EML6: variants seen among roughly 807,000 people sequenced by gnomAD.
EML6 encodes the protein EMAP like 6.
EML6 carries 154 observed loss-of-function variants against 240.1 expected under a neutral mutation model. That is an observed-to-expected ratio of 0.64 (90% CI 0.56 to 0.73). The LOEUF (loss-of-function observed/expected upper bound fraction) is 0.73, where lower values mean the gene tolerates loss of function less well. Ranked by LOEUF, EML6 falls within the 30% of genes least tolerant of loss-of-function variation. EML6 has a pLI of 0.00. For missense variants in EML6, 2,964 were observed against 2,474.6 expected, an observed-to-expected ratio of 1.20 and a Z score of -4.20; for synonymous variants, 1,148 against 899.0, an observed-to-expected ratio of 1.28 and a Z score of -4.95.
intron 40 of EML6, among the ~76,000 whole-genome samples, 172 bp from the exon 41 acceptor site, chr2:54,968,496 G>A (rs1205610213): frequency 6.6e-6 from 1 of 152,188 alleles, no homozygotes; most frequent in African/African-American, 2.4e-5. Context: ...GTGGGGCAAG[G>A]ATGAGAGGCA....
chr2:54,790,691 T>C (rs1004062050), intron 2 of EML6, among the ~76,000 whole-genome samples: 4 of 151,978 alleles, frequency 2.6e-5, no homozygotes, highest in Non-Finnish European at 5.9e-5. Flanking sequence ...CAGGACCCTA[T>C]TGTGTATAGA....
intron 17 of EML6, among the ~76,000 whole-genome samples, chr2:54,886,445 C>T (rs1178821298): frequency 4.6e-5 from 7 of 152,270 alleles, no homozygotes; most frequent in Non-Finnish European, 7.3e-5. Context: ...GTTGGGATTA[C>T]AGGTGTGCGC....
At chr2:54,911,608 TA>T (rs1219306459) in intron 25 of EML6, among the ~76,000 whole-genome samples, 1 of 152,048 alleles carries the variant, frequency 6.6e-6, no homozygotes, top group Non-Finnish European at 1.5e-5. Context: ...TTTTTTATTT[TA>T]TTTTTTTAGT....
chr2:54,852,563 T>G (rs1055365304), intron 10 of EML6, among the ~76,000 whole-genome samples: 2 of 152,198 alleles, frequency 1.3e-5, no homozygotes, highest in African/African-American at 4.8e-5. Context: ...CCTGTACTGG[T>G]GGAATTTTCT....
At chr2:54,792,513 C>T (rs1033949567) in intron 2 of EML6, among the ~76,000 whole-genome samples, 14 of 152,166 alleles carry the variant, frequency 9.2e-5, no homozygotes, top group Admixed American at 3.9e-4. Context: ...ATGTTGATAG[C>T]GGCTATATTT....
At chr2:54,747,172 G>A (rs1572851183) in intron 2 of EML6, 1 of 152,202 alleles carries the variant, frequency 6.6e-6, no homozygotes, top group East Asian at 1.9e-4. Flanking sequence ...TAAAGTGTAA[G>A]TAATAATTAA....
chr2:54,757,741 C>T (rs1224280700), intron 2 of EML6, among the ~76,000 whole-genome samples: 2 of 152,112 alleles, frequency 1.3e-5, no homozygotes, highest in African/African-American at 4.8e-5. Flanking sequence ...TCTGCAAGGC[C>T]CTGAGCCTTT....
intron 2 of EML6, among the ~76,000 whole-genome samples, chr2:54,785,166 CACACT>C (rs1274149089): frequency 7.4e-6 from 1 of 134,370 alleles, no homozygotes; most frequent in African/African-American, 2.9e-5. Flanking sequence ...CCCCCACACA[CACACT>C]TTTTTTTTTT....
At chr2:54,818,905 C>T (rs2567840) in intron 4 of EML6, among the ~76,000 whole-genome samples, 125,334 of 152,130 alleles carry the variant, frequency 0.82, 51,803 homozygotes, top group Middle Eastern at 0.9. Flanking sequence ...CAAGATTATC[C>T]TCAAGATTAT....
At chr2:54,812,900 T>A (rs1161959578) in intron 2 of EML6, among the ~76,000 whole-genome samples, 1 of 152,164 alleles carries the variant, frequency 6.6e-6, no homozygotes, top group African/African-American at 2.4e-5. Context: ...ACAAGTAATA[T>A]TTTGAATATC....
chr2:54,851,878 C>G (rs1340057592), intron 10 of EML6, among the ~76,000 whole-genome samples: 1 of 152,188 alleles, frequency 6.6e-6, no homozygotes, highest in Non-Finnish European at 1.5e-5. Context: ...TGGGTTTCAG[C>G]TTGTTGGGCA....
At chr2:54,816,018 T>A (rs1668066001) in intron 3 of EML6, among the ~76,000 whole-genome samples, 1 of 152,246 alleles carries the variant, frequency 6.6e-6, no homozygotes, top group African/African-American at 2.4e-5. Context: ...TTAAGGAGGT[T>A]AATTTTGCAA....
intron 2 of EML6, among the ~76,000 whole-genome samples, chr2:54,729,256 T>G (rs75062111): frequency 1.3e-5 from 2 of 152,228 alleles, no homozygotes; most frequent in African/African-American, 4.8e-5. Flanking sequence ...GTCTCACCTC[T>G]CCCATGAGAC....
At chr2:54,841,652 C>T (rs1308115619) in intron 7 of EML6, among the ~76,000 whole-genome samples, 4 of 144,590 alleles carry the variant, frequency 2.8e-5, no homozygotes, top group African/African-American at 1.0e-4. Flanking sequence ...TACAATGGCA[C>T]AATCTCAGCT....
chr2:54,814,951 A>G (rs184463555), intron 3 of EML6, among the ~76,000 whole-genome samples: 38 of 152,308 alleles, frequency 2.5e-4, no homozygotes, highest in African/African-American at 8.9e-4. Context: ...TCAGGCTTGC[A>G]GTTATATTGA....
At chr2:54,789,249 C>G (rs1179774254) in intron 2 of EML6, among the ~76,000 whole-genome samples, 1 of 152,030 alleles carries the variant, frequency 6.6e-6, no homozygotes, top group Non-Finnish European at 1.5e-5. Context: ...CGCGGTGGCT[C>G]ACGCTTGTAA....
chr2:54,917,129 C>G (rs1437668162), intron 26 of EML6, among the ~76,000 whole-genome samples, 194 bp downstream of exon 26: 1 of 152,134 alleles, frequency 6.6e-6, no homozygotes, highest in African/African-American at 2.4e-5. Context: ...GCATAGAATT[C>G]TACCTTGAAA....
chr2:54,964,223 A>G, intron 37 of EML6, 65 bp downstream of exon 37: 3 of 1,486,230 alleles, frequency 2.0e-6, no homozygotes. Context: ...AGTGGTTCCC[A>G]TTCCAGCCAC....
At chr2:54,941,733 G>C (rs1201421265) in intron 28 of EML6, among the ~76,000 whole-genome samples, 1 of 152,204 alleles carries the variant, frequency 6.6e-6, no homozygotes. Context: ...GCTGAGCCCA[G>C]CTCTCCCCAT....
Sources: gnomAD v4.1 joint callset for allele counts (sites outside exome capture counted in the v4.1 genomes callset) on GRCh38, gnomAD v4.1.1 for gene constraint, MANE v1.5 for transcripts, NCBI Gene and HGNC (gene_info 2026-07-23, HGNC 2026-07-21) for gene names.